Variants in ZNF287 observed in about 807,000 individuals in gnomAD.
ZNF287 encodes the protein zinc finger protein with KRAB and SCAN domains 13.
Under a neutral mutation model 73.7 loss-of-function variants are expected in ZNF287, and 31 were observed. The ratio of observed to expected loss-of-function variants is 0.42; its 90% CI spans 0.32 to 0.57. The LOEUF (loss-of-function observed/expected upper bound fraction) is 0.57, where lower values mean the gene tolerates loss of function less well. ZNF287 is among the 20% of genes least tolerant of loss of function. The probability of loss-of-function intolerance (pLI) is 0.13; values close to 1 mark genes in which losing one functional copy is unlikely to be tolerated. For synonymous variants in ZNF287, 301 were observed against 307.2 expected, an observed-to-expected ratio of 0.98 and a Z score of 0.21; for missense variants, 641 against 909.3, an observed-to-expected ratio of 0.70 and a Z score of 3.79.
chr17:16,567,785 G>A lies in ZNF287; in HGVS notation c.-54C>T. The A allele has an allele frequency of 6.5e-7, 1 of 1,541,392 alleles. No individual in the cohort carries two copies. The highest frequency in any genetic ancestry group is 8.7e-7 in the Non-Finnish European group (1 of 1,148,594). On this transcript the variant is annotated 5_prime_UTR_variant, in exon 2 of 6. Coordinates refer to ENST00000395825, the MANE Select transcript of ZNF287 (RefSeq NM_020653.4). Reference sequence around the variant, plus strand: ...ATATCCTTTATTTCTCCAGTAGTGAGCCAACTGCTTGAAGTCTCATGCTAG... The same window carrying A: ...ATATCCTTTATTTCTCCAGTAGTGAACCAACTGCTTGAAGTCTCATGCTAG...
In ZNF287 at chr17:16,552,706, G is replaced by A; in HGVS notation, c.1436C>T (p.Pro479Leu). 6.2e-7 allele frequency: 1 copy of A among 1,614,118 alleles called. No individual in the cohort carries two copies. The highest frequency in any genetic ancestry group is 8.5e-7 in the Non-Finnish European group (1 of 1,180,004). The change falls in exon 6 of 6, where the codon CCA (proline) becomes CTA (leucine). Residue 479 changes from proline (P) to leucine (L), a missense_variant. Around this residue, in one of 2 missense-constraint regions of ZNF287, gnomAD observed 284 missense variants for 466.8 expected, o/e 0.61. Coordinates refer to ENST00000395825, the MANE Select transcript of ZNF287 (RefSeq NM_020653.4). This position sits in a 1 kb window ranked among gnomAD's most constrained non-coding sequence, Gnocchi z 6.5. Reference sequence around the variant, plus strand: ...TTTACCACATTCCAAGCATTTATATGGTTTCTCTCCAGTATGTGTCCTTTG... The same window carrying A: ...TTTACCACATTCCAAGCATTTATATAGTTTCTCTCCAGTATGTGTCCTTTG... ...IHQRTHTGEK[P>L]YKCLECGKTF...
At chr17:16,568,279 CAACAAT>C (rs950548242) in intron 1 of ZNF287, among the ~76,000 whole-genome samples, 4 of 152,070 alleles carry the variant, frequency 2.6e-5, no homozygotes, top group Non-Finnish European at 5.9e-5. Context: ...AACGGACTCT[CAACAAT>C]AACAAAGTGA....
chr17:16,563,129 C>A lies in ZNF287; in HGVS notation c.715+17G>T. The A allele has an allele frequency of 6.4e-7, 1 of 1,567,632 alleles. No homozygotes were observed. The highest frequency in any genetic ancestry group is 8.7e-7 in the Non-Finnish European group (1 of 1,144,534). On this transcript the variant is annotated intron_variant, in intron 5 of 5. Transcript: ENST00000395825. ...ATTCTTAAATACAAAGAAGCTCATGCGCTTTTTGTTTCTCACCTGGACTAG... is the reference window on the plus strand; with the variant it reads ...ATTCTTAAATACAAAGAAGCTCATGAGCTTTTTGTTTCTCACCTGGACTAG...
In ZNF287 at chr17:16,550,694, G is replaced by T. The variant is rs1906592479; in HGVS notation, c.*1162C>A. Among the ~76,000 whole-genome samples the T allele has an allele frequency of 6.6e-6, 1 of 152,158 alleles. No homozygotes were observed. The highest frequency in any genetic ancestry group is 1.5e-5 in the Non-Finnish European group (1 of 68,024). On this transcript the variant is annotated 3_prime_UTR_variant, in exon 6 of 6. Coordinates refer to ENST00000395825, the MANE Select transcript of ZNF287 (RefSeq NM_020653.4). ...TGATTTTCAGCACTGTAACAAGCTTGAGAGGATCCAATTAGGAAGTTTGGG... is the reference window on the plus strand; with the variant it reads ...TGATTTTCAGCACTGTAACAAGCTTTAGAGGATCCAATTAGGAAGTTTGGG...
At chr17:16,565,269 A>T (rs1247825094) in intron 3 of ZNF287, among the ~76,000 whole-genome samples, 1 of 151,778 alleles carries the variant, frequency 6.6e-6, no homozygotes, top group Non-Finnish European at 1.5e-5. Flanking sequence ...TGATGACTTT[A>T]TAATATTCAA....
chr17:16,562,747 G>A (rs1907523132), intron 5 of ZNF287, among the ~76,000 whole-genome samples: 1 of 152,078 alleles, frequency 6.6e-6, no homozygotes, highest in Non-Finnish European at 1.5e-5. Context: ...GTGAAGGCAG[G>A]GGGATGTAGG....
rs759966293 is a variant in ZNF287, at chr17:16,553,356, A to G, written c.786T>C (p.His262=). The change falls in exon 6 of 6, where the codon CAT becomes CAC. Residue 262 remains histidine, a synonymous_variant. Coordinates refer to ENST00000395825, the MANE Select transcript of ZNF287 (RefSeq NM_020653.4). The stretch of plus-strand genomic sequence containing the variant: ...CATATGAGTCTTCTAATTTGATGGT[A>G]TGGGTTTCTTCCTTTGTGAGTTTAG... ...DMSKLTKEET[H]TIKLEDSYDY... is the part of the protein sequence containing the mutation. 4 of 1,611,828 alleles carry G rather than the reference A, an allele frequency of 2.5e-6. No homozygotes were observed. The highest frequency in any genetic ancestry group is 3.3e-5 in the Admixed American group (2 of 59,876).
intron 3 of ZNF287, among the ~76,000 whole-genome samples, chr17:16,566,318 G>C (rs62076310): frequency 6.6e-6 from 1 of 152,134 alleles, no homozygotes; most frequent in African/African-American, 2.4e-5. Flanking sequence ...TCAAAGTAAG[G>C]AAAGACATAT....
rs1456034815 is a variant in ZNF287 at position 16,552,210 on chromosome 17, T to G, written c.1932A>C (p.Gly644=). The change falls in exon 6 of 6, where the codon GGA becomes GGC. Residue 644 remains glycine (G), a synonymous_variant. Transcript: ENST00000395825. The surrounding 1 kb of genome is among the most constrained non-coding windows in gnomAD (Gnocchi z 6.5). ...HLTQHQRIHN[G]EKPFKCNICG... is the part of the protein sequence containing the mutation. Reference sequence around the variant, plus strand: ...ATATATTGCATTTAAAGGGTTTTTCTCCATTATGAATCCTCTGATGTTGAG... The same window carrying G: ...ATATATTGCATTTAAAGGGTTTTTCGCCATTATGAATCCTCTGATGTTGAG... 1.2e-6 allele frequency: 2 copies of G among 1,614,130 alleles called. No individual in the cohort carries two copies. The highest frequency in any genetic ancestry group is 3.3e-5 in the Admixed American group (2 of 60,022).
At position 16,552,951 on chromosome 17, in the gene ZNF287, T is replaced by C. The variant is rs752228268; in HGVS notation, c.1191A>G (p.Glu397=). ...TAAACTCTTTCCCACATTCTTCACA[T>C]TCATACGATTTCTCTTTGGCATGGG... ...QSTHAKEKSY[E]CEECGKEFRH... Residue 397 remains glutamate (E), a synonymous_variant, in exon 6 of 6, where the codon GAA becomes GAG. Transcript: ENST00000395825. This position sits in a 1 kb window ranked among gnomAD's most constrained non-coding sequence, Gnocchi z 6.5. The C allele has an allele frequency of 4.3e-5, 69 of 1,614,074 alleles. No homozygotes were observed. Among genetic ancestry groups the C allele is most frequent in the Non-Finnish European group, 5.8e-5 (69 of 1,180,042 alleles).
intron 1 of ZNF287, among the ~76,000 whole-genome samples, chr17:16,568,407 C>T (rs116343485): frequency 6.6e-6 from 1 of 152,218 alleles, no homozygotes; most frequent in African/African-American, 2.4e-5. Flanking sequence ...CATGTTAATG[C>T]CAGCCGATTC....
At chr17:16,566,838 G>A (rs1265817491) in intron 2 of ZNF287, among the ~76,000 whole-genome samples, 1 of 152,158 alleles carries the variant, frequency 6.6e-6, no homozygotes, top group Non-Finnish European at 1.5e-5. Context: ...AAATCTTAAA[G>A]AGTATGAACA....
chr17:16,557,025 T>G (rs898340310), intron 5 of ZNF287, among the ~76,000 whole-genome samples: 1 of 152,044 alleles, frequency 6.6e-6, no homozygotes, highest in Non-Finnish European at 1.5e-5. Flanking sequence ...TTTTGTATTT[T>G]TAGTAGAGAC....
Position 16,563,568 on chromosome 17 carries a change from C to T in ZNF287, c.628+131G>A, listed in dbSNP as rs981556524. 8 of 1,075,228 alleles carry T rather than the reference C, an allele frequency of 7.4e-6. No homozygotes were observed. The African/African-American group carries it at 9.5e-5, about 13-fold the overall frequency. The allele number at this position is 1,075,228 out of a possible 1,614,324, so 66.6% of individuals were successfully genotyped here. A position where few individuals can be genotyped will look rare whatever the true frequency, so the allele number is the denominator to read the frequency against. On this transcript the variant is annotated intron_variant, in intron 4 of 5. Coordinates refer to ENST00000395825, the MANE Select transcript of ZNF287 (RefSeq NM_020653.4). ...TTTCATTTGGAAAACGGGAGTAAAA[C>T]AGTCACTTTCGTGCTTGAATGAGAT...
At chr17:16,556,044 G>C (rs1332524379) in intron 5 of ZNF287, among the ~76,000 whole-genome samples, 2 of 149,750 alleles carry the variant, frequency 1.3e-5, no homozygotes, top group African/African-American at 5.1e-5. Flanking sequence ...CTGATAGGTA[G>C]GTCTAGTTTA....
chr17:16,553,305 T>A lies in ZNF287; in HGVS notation c.837A>T (p.Arg279=). 6.2e-7 allele frequency: 1 copy of A among 1,614,008 alleles called. No homozygotes were observed. The highest frequency in any genetic ancestry group is 8.5e-7 in the Non-Finnish European group (1 of 1,179,918). ...GAATTTTCCAGAAGCCACCTTTTCC[T>A]CGCCTCTCTAGTCTATCATCGTAGT... ...SYDYDDRLER[R]GKGGFWKIHT... Residue 279 remains arginine, a synonymous_variant, in exon 6 of 6, where the codon CGA becomes CGT. Transcript: ENST00000395825.
chr17:16,556,894 C>G (rs1907112718), intron 5 of ZNF287, among the ~76,000 whole-genome samples: 1 of 151,710 alleles, frequency 6.6e-6, no homozygotes. Flanking sequence ...GTTGCCCAGG[C>G]TGGAGTGCAA....
rs765523449 is a variant in ZNF287 at position 16,548,070 on chromosome 17, A to G, written c.*3786T>C. Among the ~76,000 whole-genome samples the G allele has an allele frequency of 2.8e-4, 43 of 152,366 alleles. No individual in the cohort carries two copies. The highest frequency in any genetic ancestry group is 4.9e-4 in the Non-Finnish European group (33 of 68,028). Reference sequence around the variant, plus strand: ...TACAAGAATGCCACTCAACAAGTGTAGAGTGATAGAATTAGAAAATTGTCA... The same window carrying G: ...TACAAGAATGCCACTCAACAAGTGTGGAGTGATAGAATTAGAAAATTGTCA... On this transcript the variant is annotated 3_prime_UTR_variant, in exon 6 of 6. Coordinates refer to ENST00000395825, the MANE Select transcript of ZNF287 (RefSeq NM_020653.4).
Position 16,567,328 on chromosome 17 carries a change from C to T in ZNF287, c.403+1G>A. On this transcript the variant is annotated splice_donor_variant, in intron 2 of 5. Transcript: ENST00000395825. LOFTEE classifies it high-confidence loss of function. ...TCCCCTCTCTGCTCTATGATTCTCA[C>T]CTTCCTCTTCTAGAATCTGAGTCAA... 1 of 1,609,998 alleles carries T rather than the reference C, an allele frequency of 6.2e-7. No homozygotes were observed. The highest frequency in any genetic ancestry group is 8.5e-7 in the Non-Finnish European group (1 of 1,177,280).
Sources: allele counts gnomAD v4.1 joint callset (sites outside exome capture counted in the v4.1 genomes callset), GRCh38; gene constraint gnomAD v4.1.1; regional missense constraint gnomAD v4.1.1; non-coding constraint Gnocchi (gnomAD v3.1); transcripts MANE v1.5; gene names NCBI Gene and HGNC (gene_info 2026-07-23, HGNC 2026-07-21).